Variants in DCP1B observed in about 807,000 individuals in gnomAD.
The protein encoded by DCP1B is decapping mRNA 1B, also known as mRNA-decapping enzyme 1B.
In DCP1B, 47 loss-of-function variants were observed where a neutral mutation model predicts 60.5. The ratio of observed to expected loss-of-function variants is 0.78; its 90% CI spans 0.61 to 0.99. The LOEUF (loss-of-function observed/expected upper bound fraction) is 0.99, where lower values mean the gene tolerates loss of function less well. DCP1B is among the 50% of genes least tolerant of loss of function. The pLI is 0.00. For synonymous variants in DCP1B, 267 were observed against 280.3 expected, an observed-to-expected ratio of 0.95 and a Z score of 0.47; for missense variants, 725 against 756.8, an observed-to-expected ratio of 0.96 and a Z score of 0.49.
Position 1,997,981 on chromosome 12 carries a change from C to T in DCP1B, c.151-6G>A. On this transcript the variant is annotated splice_region_variant and splice_polypyrimidine_tract_variant and intron_variant, in intron 1 of 8. Coordinates refer to ENST00000280665, the MANE Select transcript of DCP1B (RefSeq NM_152640.5). ...CCTTCCACATCAGTTTTCTCCTAAACAATAAAAACAAAACACACAAGACAT... is the reference window on the plus strand; with the variant it reads ...CCTTCCACATCAGTTTTCTCCTAAATAATAAAAACAAAACACACAAGACAT... 6.2e-7 allele frequency: 1 copy of T among 1,607,330 alleles called. No individual in the cohort carries two copies. Among genetic ancestry groups the T allele is most frequent in the African/African-American group, 1.3e-5 (1 of 74,620 alleles).
intron 3 of DCP1B, chr12:1,991,255 T>C (rs1389516785): frequency 2.2e-6 from 1 of 455,802 alleles, no homozygotes; most frequent in Non-Finnish European, 4.4e-6. Context: ...ATCTGCAAAA[T>C]GGCAATGAAA....
intron 1 of DCP1B, among the ~76,000 whole-genome samples, chr12:2,001,202 T>C (rs2042127877): frequency 6.6e-6 from 1 of 152,182 alleles, no homozygotes; most frequent in Non-Finnish European, 1.5e-5. Context: ...CCTCCATAGT[T>C]ATCCAAGGGC....
At chr12:1,942,111 G>A (rs759867029), downstream of DCP1B, among the ~76,000 whole-genome samples, 1 of 152,048 alleles carries the variant, frequency 6.6e-6, no homozygotes, top group African/African-American at 2.4e-5. Flanking sequence ...CAAGCAAATG[G>A]AAAGAAGAAA....
At chr12:1,982,206 C>G (rs2036350884) in intron 3 of DCP1B, among the ~76,000 whole-genome samples, 1 of 152,044 alleles carries the variant, frequency 6.6e-6, no homozygotes, top group South Asian at 2.1e-4. Context: ...AGTATTTTTT[C>G]CTTTTTTATT....
At chr12:1,972,443 GCA>G (rs2032719680) in intron 3 of DCP1B, among the ~76,000 whole-genome samples, 1 of 152,052 alleles carries the variant, frequency 6.6e-6, no homozygotes, top group African/African-American at 2.4e-5. Context: ...TAGTACACAT[GCA>G]CACACAGCTA....
chr12:1,989,282 G>C (rs562433471), intron 3 of DCP1B, among the ~76,000 whole-genome samples: 26 of 152,336 alleles, frequency 1.7e-4, no homozygotes, highest in African/African-American at 5.8e-4. Context: ...GTTGCAATGA[G>C]GCTATGACCA....
In DCP1B at chr12:1,948,682, C is replaced by T. The variant is rs1335439652; in HGVS notation, c.1773+404G>A. Among the ~76,000 whole-genome samples, 2 of 152,158 alleles carry T rather than the reference C, an allele frequency of 1.3e-5. No individual in the cohort carries two copies. The highest frequency in any genetic ancestry group is 2.9e-5 in the Non-Finnish European group (2 of 68,032). On this transcript the variant is annotated intron_variant, in intron 8 of 8. Transcript: ENST00000280665. The surrounding 1 kb of genome is among the most constrained non-coding windows in gnomAD (Gnocchi z 4.8). Reference sequence around the variant, plus strand: ...CCCTGTTTTCCACTCGCTCAGTGGCCTCTTCCCCACTCAACAGATGGCCCC... The same window carrying T: ...CCCTGTTTTCCACTCGCTCAGTGGCTTCTTCCCCACTCAACAGATGGCCCC...
At chr12:1,982,916 A>AG (rs1435588869) in intron 3 of DCP1B, among the ~76,000 whole-genome samples, 16 of 152,010 alleles carry the variant, frequency 1.1e-4, no homozygotes, top group Non-Finnish European at 1.5e-4. Context: ...CTGAACTTGG[A>AG]GTTTTGTTAG....
At chr12:1,957,953 G>C (rs1437659117) in intron 5 of DCP1B, among the ~76,000 whole-genome samples, 2 of 152,134 alleles carry the variant, frequency 1.3e-5, no homozygotes, top group Non-Finnish European at 2.9e-5. Context: ...TTAAGCGTAA[G>C]GCCTGAGACT....
intron 6 of DCP1B, among the ~76,000 whole-genome samples, chr12:1,954,988 A>T (rs2030828200): frequency 6.6e-6 from 1 of 152,028 alleles, no homozygotes; most frequent in Non-Finnish European, 1.5e-5. Context: ...CTCAGCCTCC[A>T]GAGCAGCTAG....
chr12:1,961,424 C>T (rs2031121146), intron 5 of DCP1B: 1 of 152,160 alleles, frequency 6.6e-6, no homozygotes. Flanking sequence ...ATAATTTCCT[C>T]TATTATTTAT....
At chr12:1,985,757 A>C (rs1334191885) in intron 3 of DCP1B, among the ~76,000 whole-genome samples, 3 of 152,180 alleles carry the variant, frequency 2.0e-5, no homozygotes, top group African/African-American at 7.2e-5. Context: ...TTAGGTTTAG[A>C]TAAGAAGCTC....
chr12:1,965,071 A>AT lies in DCP1B; in HGVS notation c.522+486dup, dbSNP rs202061361. 8.8e-3 allele frequency among the ~76,000 whole-genome samples: 1,338 copies of AT among 152,068 alleles called. 8 individuals are homozygous for AT. The highest frequency in any genetic ancestry group is 0.014 in the Non-Finnish European group (956 of 67,968). On this transcript the variant is annotated intron_variant, in intron 5 of 8. Transcript: ENST00000280665. ...TTTAGTGGTCACCTTAAATGTAGAG[A>AT]TTTTTTTTCTAAGAGCTTTATGTTG...
intron 3 of DCP1B, among the ~76,000 whole-genome samples, chr12:1,981,228 C>T (rs1331363559): frequency 2.0e-5 from 3 of 152,152 alleles, no homozygotes; most frequent in Admixed American, 6.5e-5. Context: ...CTCACTGCTT[C>T]GGGTTTCTAC....
At chr12:1,990,222 T>C (rs566998471) in intron 3 of DCP1B, among the ~76,000 whole-genome samples, 1 of 152,352 alleles carries the variant, frequency 6.6e-6, no homozygotes, top group East Asian at 1.9e-4. Flanking sequence ...AGTTATGGGA[T>C]AACCCATATA....
Position 1,972,485 on chromosome 12 carries a change from A to T in DCP1B, c.320-4575T>A, listed in dbSNP as rs193104812. Among the ~76,000 whole-genome samples the T allele has an allele frequency of 8.4e-4, 127 of 152,026 alleles. 2 individuals carry two copies. In the East Asian group the frequency reaches 0.018, roughly 22 times the overall value. On this transcript the variant is annotated intron_variant, in intron 3 of 8. Transcript: ENST00000280665. ...GCATTTGAAAGATCCCAAGATATTTAAAAAAAACAGAAAAATAGAACCATG... is the reference window on the plus strand; with the variant it reads ...GCATTTGAAAGATCCCAAGATATTTTAAAAAAACAGAAAAATAGAACCATG...
At chr12:1,986,797 G>A (rs2037916657) in intron 3 of DCP1B, among the ~76,000 whole-genome samples, 1 of 152,182 alleles carries the variant, frequency 6.6e-6, no homozygotes, top group African/African-American at 2.4e-5. Context: ...GCTCTCCTCA[G>A]TGTGTCTGTT....
At chr12:1,963,725 T>C (rs1001784812) in intron 5 of DCP1B, among the ~76,000 whole-genome samples, 2 of 152,184 alleles carry the variant, frequency 1.3e-5, no homozygotes, top group African/African-American at 2.4e-5. Context: ...AGAAATTTCT[T>C]TGAAGAGCCC....
In DCP1B at chr12:1,952,938, T is replaced by C. The variant is rs780090169; in HGVS notation, c.1002A>G (p.Pro334=). The part of the protein sequence containing the change: ...AGEFFTGPVQ[P]GSPHNIGTSR... ...AAGTTCCAATGTTGTGAGGAGACCC[T>C]GGCTGGACAGGTCCTGTAAAAAATT... Residue 334 remains proline, a synonymous_variant, in exon 7 of 9, where the codon CCA becomes CCG. Transcript: ENST00000280665. 6.2e-7 allele frequency: 1 copy of C among 1,614,132 alleles called. No homozygotes were observed. The highest frequency in any genetic ancestry group is 8.5e-7 in the Non-Finnish European group (1 of 1,179,998).
Sources: gnomAD v4.1 joint callset for allele counts (sites outside exome capture counted in the v4.1 genomes callset) on GRCh38, gnomAD v4.1.1 for gene constraint, Gnocchi (gnomAD v3.1) non-coding constraint, MANE v1.5 for transcripts, NCBI Gene and HGNC (gene_info 2026-07-23, HGNC 2026-07-21) for gene names.